The following CRACR2A variants were observed in gnomAD, a reference collection of about 807,000 sequenced individuals.
CRACR2A encodes the protein EF-hand calcium-binding domain-containing protein 4B.
A neutral mutation model predicts 90.5 loss-of-function variants in CRACR2A; 79 were observed. The observed-to-expected ratio is 0.87, with a 90% CI of 0.73 to 1.05. The LOEUF (loss-of-function observed/expected upper bound fraction) is 1.05. Among genes scored for constraint, CRACR2A ranks in the 50% least tolerant of loss-of-function variants. The pLI is 0.00. For missense variants in CRACR2A, 823 were observed against 897.2 expected (o/e 0.92, Z 1.06); for synonymous variants, 338 against 356.7 (o/e 0.95, Z 0.59).
intron 12 of CRACR2A, among the ~76,000 whole-genome samples, chr12:3,643,500 G>T (rs1407098841): frequency 6.6e-6 from 1 of 151,872 alleles, no homozygotes; most frequent in Non-Finnish European, 1.5e-5. Context: ...AAATTCATAG[G>T]ATGGTAACCC....
intron 1 of CRACR2A, among the ~76,000 whole-genome samples, chr12:3,747,502 A>G (rs1946644743): frequency 2.6e-5 from 4 of 152,210 alleles, no homozygotes; most frequent in Admixed American, 2.6e-4. Flanking sequence ...TGTGCAGCGG[A>G]CAATGTGGCA....
chr12:3,738,695 A>G (rs1308276092), intron 1 of CRACR2A, among the ~76,000 whole-genome samples: 1 of 152,220 alleles, frequency 6.6e-6, no homozygotes, highest in Non-Finnish European at 1.5e-5. Context: ...AAGGAAAAGA[A>G]TATTTAAACA....
intron 4 of CRACR2A, among the ~76,000 whole-genome samples, chr12:3,684,991 C>T (rs1945526834): frequency 2.0e-5 from 3 of 152,252 alleles, no homozygotes; most frequent in African/African-American, 7.2e-5. Context: ...ATGAAAGCTG[C>T]TGCTGAATAA....
At chr12:3,649,882 G>T (rs548867733) in intron 10 of CRACR2A, among the ~76,000 whole-genome samples, 1 of 151,978 alleles carries the variant, frequency 6.6e-6, no homozygotes, top group African/African-American at 2.4e-5. Flanking sequence ...AAAGAGGAAG[G>T]AAAGATGGGG....
chr12:3,685,971 T>A (rs1945545770), intron 4 of CRACR2A, among the ~76,000 whole-genome samples: 1 of 152,192 alleles, frequency 6.6e-6, no homozygotes, highest in Admixed American at 6.5e-5. Flanking sequence ...ACATACACAG[T>A]GCATTTCCAG....
At chr12:3,738,632 T>TA (rs1177738989) in intron 1 of CRACR2A, among the ~76,000 whole-genome samples, 1 of 151,994 alleles carries the variant, frequency 6.6e-6, no homozygotes, top group Non-Finnish European at 1.5e-5. Context: ...AAAGAGAACT[T>TA]AAGAGACATG....
intron 6 of CRACR2A, among the ~76,000 whole-genome samples, chr12:3,675,598 C>T (rs1043349155): frequency 2.0e-5 from 3 of 152,176 alleles, no homozygotes; most frequent in Non-Finnish European, 4.4e-5. Flanking sequence ...ATAAATAATA[C>T]CCCTGGAGAA....
intron 1 of CRACR2A, chr12:3,752,568 T>G (rs1946726712): frequency 6.6e-6 from 1 of 152,490 alleles, no homozygotes; most frequent in Non-Finnish European, 1.5e-5. Context: ...TCTTTGTTTC[T>G]CGGCATGGCA....
chr12:3,736,020 G>C (rs761245884), intron 1 of CRACR2A, among the ~76,000 whole-genome samples: 2 of 152,262 alleles, frequency 1.3e-5, no homozygotes, highest in South Asian at 4.2e-4. Context: ...CCCATCAGGA[G>C]GGTGGGCTTT....
At chr12:3,648,300 T>C in intron 11 of CRACR2A, 1 of 1,423,962 alleles carries the variant, frequency 7.0e-7, no homozygotes, top group South Asian at 1.6e-5. Context: ...CTCAGAGGAG[T>C]GGGGCAGAGC....
At chr12:3,691,476 C>T (rs780154374) in intron 4 of CRACR2A, among the ~76,000 whole-genome samples, 1 of 152,208 alleles carries the variant, frequency 6.6e-6, no homozygotes, top group Non-Finnish European at 1.5e-5. Context: ...GGTCCCCAAT[C>T]TCTTCTGGCT....
intron 2 of CRACR2A, among the ~76,000 whole-genome samples, chr12:3,720,423 G>GAAAGAAAGAAAT (rs1308606160): frequency 1.3e-5 from 1 of 78,258 alleles, no homozygotes; most frequent in Non-Finnish European, 2.8e-5. Flanking sequence ...GAGGAAGAAA[G>GAAAGAAAGAAAT]AAAGAAAGAA....
At chr12:3,646,785 G>T (rs766010975) in intron 11 of CRACR2A, among the ~76,000 whole-genome samples, 3 of 152,182 alleles carry the variant, frequency 2.0e-5, no homozygotes, top group Admixed American at 6.5e-5. Flanking sequence ...AGGCTGCATT[G>T]TTTCCTGCTT....
At chr12:3,697,594 C>A (rs1349102292) in intron 3 of CRACR2A, among the ~76,000 whole-genome samples, 2 of 152,192 alleles carry the variant, frequency 1.3e-5, no homozygotes, top group Non-Finnish European at 2.9e-5. Context: ...CTCAGTCCCA[C>A]CCTGTCCTGA....
At chr12:3,704,282 C>T (rs1440714308) in intron 3 of CRACR2A, among the ~76,000 whole-genome samples, 1 of 152,106 alleles carries the variant, frequency 6.6e-6, no homozygotes, top group African/African-American at 2.4e-5. Flanking sequence ...ATGTGAGTGA[C>T]AGAAGCCAGA....
chr12:3,691,985 T>C (rs1453846009), intron 4 of CRACR2A, among the ~76,000 whole-genome samples: 1 of 152,238 alleles, frequency 6.6e-6, no homozygotes, highest in African/African-American at 2.4e-5. Flanking sequence ...AGTGTAGTTT[T>C]TCAGATCTAT....
chr12:3,723,338 T>G (rs1946211718), intron 2 of CRACR2A, among the ~76,000 whole-genome samples: 1 of 152,176 alleles, frequency 6.6e-6, no homozygotes, highest in Non-Finnish European at 1.5e-5. Context: ...TGGAGGACAC[T>G]GTTTCTCTCC....
In CRACR2A at chr12:3,711,581, G is replaced by T. The variant is rs1393648215; in HGVS notation, c.-37+1656C>A. Among the ~76,000 whole-genome samples the T allele has an allele frequency of 6.6e-6, 1 of 152,046 alleles. No individual in the cohort carries two copies. The highest frequency in any genetic ancestry group is 1.5e-5 in the Non-Finnish European group (1 of 68,028). On this transcript the variant is annotated intron_variant, in intron 3 of 19. Transcript: ENST00000440314. This position sits in a 1 kb window ranked among gnomAD's most constrained non-coding sequence, Gnocchi z 4.3. ...GCTTTTATCATCCATATTCCCACCA[G>T]TGTACTGTTCAGGATGACTTACATC...
At chr12:3,705,471 G>A (rs1945901806) in intron 3 of CRACR2A, among the ~76,000 whole-genome samples, 1 of 152,200 alleles carries the variant, frequency 6.6e-6, no homozygotes, top group Admixed American at 6.5e-5. Flanking sequence ...AAACCTGAAA[G>A]CAGCCGCTAA....
Sources: allele counts gnomAD v4.1 joint callset (sites outside exome capture counted in the v4.1 genomes callset), GRCh38; gene constraint gnomAD v4.1.1; non-coding constraint Gnocchi (gnomAD v3.1); transcripts MANE v1.5; gene names NCBI Gene and HGNC (gene_info 2026-07-23, HGNC 2026-07-21).